The following NPHP1 variants were observed in gnomAD, a reference collection of about 807,000 sequenced individuals.
The protein encoded by NPHP1 is nephrocystin 1.
NPHP1 carries 70 observed loss-of-function variants against 90.4 expected under a neutral mutation model. The ratio of observed to expected loss-of-function variants is 0.77; its 90% CI spans 0.64 to 0.95. The LOEUF is 0.95. NPHP1 is among the 40% of genes least tolerant of loss of function. NPHP1 has a pLI of 0.00. For synonymous variants in NPHP1, 256 were observed against 271.7 expected (o/e 0.94, Z 0.57); for missense variants, 764 against 795.9 (o/e 0.96, Z 0.48).
chr2:110,169,781 T>G (rs921523209), intron 5 of NPHP1, 25 bp downstream of exon 5: 1 of 1,529,690 alleles, frequency 6.5e-7, no homozygotes, highest in African/African-American at 1.4e-5. Context: ...ACCCTTAGGT[T>G]AGGTTTCAGT....
At chr2:110,191,154 TCAGA>T (rs1684701158) in intron 2 of NPHP1, among the ~76,000 whole-genome samples, 1 of 152,116 alleles carries the variant, frequency 6.6e-6, no homozygotes, top group South Asian at 2.1e-4. Flanking sequence ...CTAGGGACTA[TCAGA>T]CAGTGGGTGC....
chr2:110,185,364 C>T (rs1156916846), intron 2 of NPHP1, among the ~76,000 whole-genome samples: 3 of 152,168 alleles, frequency 2.0e-5, no homozygotes, highest in Admixed American at 2.0e-4. Flanking sequence ...GAGGAACTAC[C>T]CACGATGGTG....
chr2:110,127,856 C>G (rs990188931), intron 18 of NPHP1: 2 of 152,156 alleles, frequency 1.3e-5, no homozygotes, highest in African/African-American at 4.8e-5. Flanking sequence ...GGGAAATATT[C>G]CTGTGGCCAG....
chr2:110,173,431 C>T (rs1203524680), intron 4 of NPHP1, among the ~76,000 whole-genome samples: 1 of 152,068 alleles, frequency 6.6e-6, no homozygotes, highest in Non-Finnish European at 1.5e-5. Context: ...ATAATACATA[C>T]TTAGGTGCTG....
Position 110,129,242 on chromosome 2 carries a change from T to C in NPHP1, c.1660A>G (p.Met554Val), listed in dbSNP as rs1679599536. 2 of 1,613,386 alleles carry C rather than the reference T, an allele frequency of 1.2e-6. No homozygotes were observed. The highest frequency in any genetic ancestry group is 2.2e-5 in the South Asian group (2 of 90,964). Residue 554 changes from methionine to valine, a missense_variant, in exon 18 of 20, where the codon ATG (methionine) becomes GTG (valine). Met to Val is a conservative substitution (Grantham distance 21). Transcript: ENST00000445609. ...LQSTDLISHPMLATFPMLLEQ... is the reference protein window; with the variant it reads ...LQSTDLISHPVLATFPMLLEQ... Reference sequence around the variant, plus strand: ...AAGAGCATGGGGAAGGTGGCCAGCATGGGATGGCTAATTAAATCTGAAATG... The same window carrying C: ...AAGAGCATGGGGAAGGTGGCCAGCACGGGATGGCTAATTAAATCTGAAATG...
intron 17 of NPHP1, 45 bp from the exon 18 acceptor site, chr2:110,129,304 AATGGATTTT>A (rs764173417): frequency 4.9e-6 from 7 of 1,415,188 alleles, no homozygotes; most frequent in Non-Finnish European, 7.0e-6. Context: ...AACTTCACTC[AATGGATTTT>A]ATTGCAATAG....
chr2:110,164,727 A>G lies in NPHP1; in HGVS notation c.732T>C (p.Thr244=), dbSNP rs1363084219. 6.2e-7 allele frequency: 1 copy of G among 1,613,562 alleles called. No homozygotes were observed. Among genetic ancestry groups the G allele is most frequent in the African/African-American group, 1.3e-5 (1 of 74,926 alleles). ...TCTGAACAGCACTCCAGTGGGGATC[A>G]GTTCTGGGGAGACAAAATAGCAAAG... ...TADGAEVKQR[T]DPHWSAVQKA... The change falls in exon 8 of 20, where the codon ACT becomes ACC. Residue 244 remains threonine, a synonymous_variant. Transcript: ENST00000445609.
intron 4 of NPHP1, among the ~76,000 whole-genome samples, chr2:110,170,913 T>A (rs1574142027): frequency 6.6e-6 from 1 of 151,590 alleles, no homozygotes; most frequent in Non-Finnish European, 1.5e-5. Context: ...GGAAAATGAG[T>A]GAGAGTTGAG....
intron 2 of NPHP1, among the ~76,000 whole-genome samples, chr2:110,183,108 T>C (rs981516034): frequency 2.0e-5 from 3 of 152,134 alleles, no homozygotes; most frequent in East Asian, 1.9e-4. Flanking sequence ...TAAATACATA[T>C]GCACCCAAAA....
intron 2 of NPHP1, among the ~76,000 whole-genome samples, chr2:110,191,509 GA>G (rs1684736120): frequency 6.6e-6 from 1 of 152,190 alleles, no homozygotes; most frequent in Non-Finnish European, 1.5e-5. Flanking sequence ...AAGCAGCCTG[GA>G]AGCTCAAACT....
intron 11 of NPHP1, among the ~76,000 whole-genome samples, chr2:110,155,830 T>C (rs893958066): frequency 6.6e-6 from 1 of 151,992 alleles, no homozygotes; most frequent in Non-Finnish European, 1.5e-5. Context: ...TTATCTTAGA[T>C]GAGATGTTGG....
Position 110,125,694 on chromosome 2 carries a change from C to G in NPHP1, c.1717-13G>C. Reference sequence around the variant, plus strand: ...CAGCCCACGAACTCTAAAGAGCAAACAGAAATATTATGTTAGTCCAAGTAG... The same window carrying G: ...CAGCCCACGAACTCTAAAGAGCAAAGAGAAATATTATGTTAGTCCAAGTAG... On this transcript the variant is annotated splice_polypyrimidine_tract_variant and intron_variant, in intron 18 of 19. Transcript: ENST00000445609. 1.2e-6 allele frequency: 2 copies of G among 1,611,316 alleles called. No homozygotes were observed. Among genetic ancestry groups the G allele is most frequent in the Non-Finnish European group, 1.7e-6 (2 of 1,177,944 alleles).
intron 4 of NPHP1, among the ~76,000 whole-genome samples, chr2:110,175,398 A>C (rs1683438764): frequency 6.6e-6 from 1 of 152,178 alleles, no homozygotes; most frequent in East Asian, 1.9e-4. Flanking sequence ...ACTGCAGATC[A>C]GTTGACAAAT....
rs764393095 is a variant in NPHP1 at position 110,125,617 on chromosome 2, T to C, written c.1761+20A>G. ...CAGGTACTGCAAATATGGAGTTCAG[T>C]GTGGAGACTCATATTTTACCTTCTC... On this transcript the variant is annotated intron_variant, in intron 19 of 19. Transcript: ENST00000445609. The C allele has an allele frequency of 5.6e-6, 9 of 1,602,246 alleles. No individual in the cohort carries two copies. In the African/African-American group the frequency reaches 1.1e-4, roughly 19 times the overall value.
rs762244069 is a variant in NPHP1, at chr2:110,178,510, C to T, written c.242G>A (p.Arg81Lys). 8 of 1,613,740 alleles carry T rather than the reference C, an allele frequency of 5.0e-6. No homozygotes were observed. The Admixed American group carries it at 1.3e-4, about 27-fold the overall frequency. The change falls in exon 4 of 20, where the codon AGA becomes AAA. Residue 81 changes from arginine (R) to lysine (K), a missense_variant. Transcript: ENST00000445609. ...ESAPVANYNQ[R>K]KEEEHTLLDK... The stretch of plus-strand genomic sequence containing the variant: ...CAAAAGAGTATGCTCCTCTTCTTTT[C>T]TCTGATTATAGTTTGCAACAGGTGC...
chr2:110,181,071 C>T (rs1169137148), intron 2 of NPHP1, among the ~76,000 whole-genome samples: 1 of 152,202 alleles, frequency 6.6e-6, no homozygotes, highest in Non-Finnish European at 1.5e-5. Context: ...TCCATGGCAA[C>T]TCACAAGTTA....
At chr2:110,143,344 G>A (rs1454592539) in intron 16 of NPHP1, among the ~76,000 whole-genome samples, 198 bp downstream of exon 16, 1 of 152,108 alleles carries the variant, frequency 6.6e-6, no homozygotes, top group Non-Finnish European at 1.5e-5. Flanking sequence ...TTGGTTAGAA[G>A]AGCTAACTAG....
chr2:110,184,056 G>A lies in NPHP1; in HGVS notation c.144-4372C>T, dbSNP rs17842671. Reference sequence around the variant, plus strand: ...CTTCCCCAGGAGAGATTCCTCTGCCGTGGAGTCTTACGATACAATCACCAA... The same window carrying A: ...CTTCCCCAGGAGAGATTCCTCTGCCATGGAGTCTTACGATACAATCACCAA... On this transcript the variant is annotated intron_variant, in intron 2 of 19. Coordinates refer to ENST00000445609, the MANE Select transcript of NPHP1 (RefSeq NM_001128178.3). The A allele has an allele frequency of 4.1e-3, 2,098 of 509,184 alleles. 35 individuals are homozygous for A. The highest frequency in any genetic ancestry group is 0.037 in the African/African-American group (1,908 of 51,912). 31.5% of individuals were successfully genotyped at this position (509,184 alleles called of 1,614,324 possible).
At chr2:110,132,483 T>C (rs984474451) in intron 16 of NPHP1, among the ~76,000 whole-genome samples, 1 of 152,100 alleles carries the variant, frequency 6.6e-6, no homozygotes, top group African/African-American at 2.4e-5. Flanking sequence ...GGTGAAACCA[T>C]ATCTCTGCTG....
Sources: gnomAD v4.1 joint callset for allele counts (sites outside exome capture counted in the v4.1 genomes callset) on GRCh38, gnomAD v4.1.1 for gene constraint, MANE v1.5 for transcripts, NCBI Gene and HGNC (gene_info 2026-07-23, HGNC 2026-07-21) for gene names.